The following LRRFIP2 variants were observed in gnomAD, a reference collection of about 807,000 sequenced individuals.
LRRFIP2 encodes the protein LRR binding FLII interacting protein 2, also known as leucine-rich repeat flightless-interacting protein 2.
Under a neutral mutation model 125.9 loss-of-function variants are expected in LRRFIP2, and 109 were observed. That is an observed-to-expected ratio of 0.87 (90% CI 0.74 to 1.01). The LOEUF is 1.01. Among genes scored for constraint, LRRFIP2 ranks in the 50% least tolerant of loss-of-function variants. The pLI is 0.00. For synonymous variants in LRRFIP2, 291 were observed against 293.1 expected, an observed-to-expected ratio of 0.99 and a Z score of 0.07; for missense variants, 850 against 862.3, an observed-to-expected ratio of 0.99 and a Z score of 0.18.
intron 4 of LRRFIP2, among the ~76,000 whole-genome samples, chr3:37,126,903 A>G (rs1293724662): frequency 6.6e-6 from 1 of 151,988 alleles, no homozygotes; most frequent in Non-Finnish European, 1.5e-5. Context: ...TTGCTTGTTT[A>G]GCAGCAATCA....
At chr3:37,112,346 A>G (rs1200555188) in intron 8 of LRRFIP2, among the ~76,000 whole-genome samples, 2 of 151,836 alleles carry the variant, frequency 1.3e-5, no homozygotes, top group Non-Finnish European at 2.9e-5. Context: ...AAAAAAGAAA[A>G]AAAAAAAGAA....
chr3:37,118,342 C>G (rs535887305), intron 6 of LRRFIP2, among the ~76,000 whole-genome samples: 5 of 152,174 alleles, frequency 3.3e-5, no homozygotes, highest in Non-Finnish European at 7.3e-5. Context: ...GGATGAAAGG[C>G]GTGAGCCACC....
chr3:37,068,341 G>T (rs1201914075), intron 21 of LRRFIP2: 1 of 152,174 alleles, frequency 6.6e-6, no homozygotes, highest in Non-Finnish European at 1.5e-5. Flanking sequence ...TGAGGAACAG[G>T]CCAATTTGAA....
At chr3:37,102,163 AGAT>A (rs1198266908) in intron 15 of LRRFIP2, among the ~76,000 whole-genome samples, 2 of 152,230 alleles carry the variant, frequency 1.3e-5, no homozygotes, top group Non-Finnish European at 2.9e-5. Context: ...GCTAGGTATT[AGAT>A]GATACTAAGG....
chr3:37,091,885 C>T (rs1021032913), intron 17 of LRRFIP2, among the ~76,000 whole-genome samples: 3 of 152,024 alleles, frequency 2.0e-5, no homozygotes, highest in Admixed American at 1.3e-4. Context: ...TTTTATAAAT[C>T]ACTTAAAATT....
chr3:37,171,111 A>C (rs1011558409), intron 1 of LRRFIP2: 1 of 152,374 alleles, frequency 6.6e-6, no homozygotes, highest in Non-Finnish European at 1.5e-5. Flanking sequence ...TTTATTCCTT[A>C]GCTTTCCTTA....
At position 37,087,384 on chromosome 3, in the gene LRRFIP2, T is replaced by C. The variant is rs576479527; in HGVS notation, c.1108-3578A>G. On this transcript the variant is annotated intron_variant, in intron 18 of 27. Transcript: ENST00000336686. Reference sequence around the variant, plus strand: ...CAACTCAGTGCCATATAAAACCACATGAACACCAGAATTTAAGATAGCTCA... The same window carrying C: ...CAACTCAGTGCCATATAAAACCACACGAACACCAGAATTTAAGATAGCTCA... 2.0e-5 allele frequency among the ~76,000 whole-genome samples: 3 copies of C among 152,230 alleles called. No individual in the cohort carries two copies. The East Asian group carries it at 5.8e-4, about 29-fold the overall frequency.
chr3:37,098,187 A>G (rs2149267875), intron 15 of LRRFIP2, among the ~76,000 whole-genome samples: 1 of 152,276 alleles, frequency 6.6e-6, no homozygotes, highest in Non-Finnish European at 1.5e-5. Context: ...TTCTTGCTGT[A>G]AAAACTCTGA....
rs143470061 is a variant in LRRFIP2 at position 37,106,608 on chromosome 3, A to G, written c.715-1085T>C. On this transcript the variant is annotated intron_variant, in intron 13 of 27. Coordinates refer to ENST00000336686, the MANE Select transcript of LRRFIP2 (RefSeq NM_006309.4). ...GGATTACTTGAGCCCAAGAGTTCAA[A>G]TCTAGCAGGGGCCACATAGAAAGCT... is the stretch of plus-strand genomic sequence containing the variant. Among the ~76,000 whole-genome samples the G allele has an allele frequency of 9.9e-5, 15 of 152,244 alleles. No individual in the cohort carries two copies. In the East Asian group the frequency reaches 2.3e-3, roughly 24 times the overall value.
At chr3:37,176,177 G>C (rs2096660392), upstream of LRRFIP2, 1 of 152,314 alleles carries the variant, frequency 6.6e-6, no homozygotes, top group Non-Finnish European at 1.5e-5. Flanking sequence ...ACTCAGTCCT[G>C]GGTCCCCGGC....
In LRRFIP2 at chr3:37,091,526, G is replaced by C; in HGVS notation, c.1048C>G (p.Leu350Val). Residue 350 changes from leucine (L) to valine (V), a missense_variant, in exon 18 of 28, where the codon CTT becomes GTT. Transcript: ENST00000336686. ...SLSELRDIYD[L>V]KDQIQDVEGR... is the part of the protein sequence containing the mutation. ...TCTACATCCTGTATCTGGTCCTTAA[G>C]GTCATAGATATCCTGCAGGACATAG... The C allele has an allele frequency of 6.2e-7, 1 of 1,609,274 alleles. No individual in the cohort carries two copies. Among genetic ancestry groups the C allele is most frequent in the Non-Finnish European group, 8.5e-7 (1 of 1,177,846 alleles).
At chr3:37,072,756 G>T in intron 21 of LRRFIP2, 34 bp downstream of exon 21, 1 of 1,302,784 alleles carries the variant, frequency 7.7e-7, no homozygotes, top group South Asian at 1.2e-5. Context: ...CCTCATCAAT[G>T]AGCTTCTAAC....
At position 37,136,957 on chromosome 3, in the gene LRRFIP2, G is replaced by T. The variant is rs9810172; in HGVS notation, c.91-7808C>A. 0.012 allele frequency among the ~76,000 whole-genome samples: 8 copies of T among 676 alleles called. No individual in the cohort carries two copies. The Non-Finnish European group carries it at 0.21, about 18-fold the overall frequency. The allele number at this position is 676 out of a possible 152,430, so 0.4% of individuals were successfully genotyped here. On this transcript the variant is annotated intron_variant, in intron 2 of 27. Transcript: ENST00000336686. The stretch of plus-strand genomic sequence containing the variant: ...TAGATCCTTATTTTCTTTCTTTTTT[G>T]GGGGGGGTGGGGGGGTGGGGGGGGG...
rs995709839 is a variant in LRRFIP2 at position 37,066,386 on chromosome 3, G to A, written c.1465-61C>T. ...ACAGAAAAAGAGCAGGTGAAAGGTA[G>A]CAGAGAAGTACCTAATTCAAATAAG... is the stretch of plus-strand genomic sequence containing the variant. On this transcript the variant is annotated intron_variant, in intron 21 of 27. Coordinates refer to ENST00000336686, the MANE Select transcript of LRRFIP2 (RefSeq NM_006309.4). 6 of 1,248,216 alleles carry A rather than the reference G, an allele frequency of 4.8e-6. No homozygotes were observed. In the African/African-American group the frequency reaches 8.8e-5, roughly 18 times the overall value. The allele number at this position is 1,248,216 out of a possible 1,614,324, so 77.3% of individuals were successfully genotyped here.
In LRRFIP2 at chr3:37,071,467, C is replaced by G. The variant is rs1161047027; in HGVS notation, c.1464+1323G>C. On this transcript the variant is annotated intron_variant, in intron 21 of 27. Coordinates refer to ENST00000336686, the MANE Select transcript of LRRFIP2 (RefSeq NM_006309.4). The stretch of plus-strand genomic sequence containing the variant: ...CCTCAAGCAATCCTCTGGCCTCAAG[C>G]GATCCTCCGTGCTAGGATTCCAGGC... 1.3e-5 allele frequency among the ~76,000 whole-genome samples: 2 copies of G among 148,384 alleles called. 1 individual carries two copies. The highest frequency in any genetic ancestry group is 1.4e-4 in the Admixed American group (2 of 14,622).
intron 1 of LRRFIP2, among the ~76,000 whole-genome samples, chr3:37,158,777 A>C (rs778726730): frequency 1.3e-5 from 2 of 152,152 alleles, no homozygotes; most frequent in African/African-American, 2.4e-5. Flanking sequence ...AAAAAAATGC[A>C]ATTAATATGA....
intron 25 of LRRFIP2, among the ~76,000 whole-genome samples, chr3:37,057,518 C>A (rs2087224691): frequency 1.3e-5 from 2 of 149,758 alleles, no homozygotes; most frequent in Non-Finnish European, 1.5e-5. Context: ...AAGCCTTAAC[C>A]CAAAAAGTCT....
At chr3:37,171,812 A>T (rs2096590669) in intron 1 of LRRFIP2, among the ~76,000 whole-genome samples, 1 of 152,248 alleles carries the variant, frequency 6.6e-6, no homozygotes, top group African/African-American at 2.4e-5. Context: ...CAATGCTTTT[A>T]ATTGATACTG....
chr3:37,105,644 GTATAA>G (rs2094282477), intron 13 of LRRFIP2, 121 bp from the exon 14 acceptor site: 2 of 664,226 alleles, frequency 3.0e-6, no homozygotes, highest in Admixed American at 2.3e-5. Flanking sequence ...AGCATAATTG[GTATAA>G]TATAGTGGGC....
Sources: gnomAD v4.1 joint callset for allele counts (sites outside exome capture counted in the v4.1 genomes callset) on GRCh38, gnomAD v4.1.1 for gene constraint, MANE v1.5 for transcripts, NCBI Gene and HGNC (gene_info 2026-07-23, HGNC 2026-07-21) for gene names.